Variants in TGFBR3 observed in about 807,000 individuals in gnomAD.
TGFBR3 encodes the protein transforming growth factor beta receptor 3, also known as transforming growth factor beta receptor type 3.
A neutral mutation model predicts 87.9 loss-of-function variants in TGFBR3; 46 were observed. The observed-to-expected ratio is 0.52, with a 90% CI of 0.41 to 0.67. The LOEUF is 0.67. Ranked by LOEUF, TGFBR3 falls within the 30% of genes least tolerant of loss-of-function variation. The probability of loss-of-function intolerance (pLI) is 0.00; values close to 1 mark genes in which losing one functional copy is unlikely to be tolerated. For synonymous variants in TGFBR3, 381 were observed against 391.6 expected (o/e 0.97, Z 0.32); for missense variants, 866 against 1,041.9 (o/e 0.83, Z 2.32).
intron 4 of TGFBR3, among the ~76,000 whole-genome samples, chr1:91,754,802 TAAC>T (rs1557693781): frequency 1.3e-5 from 2 of 152,144 alleles, no homozygotes; most frequent in African/African-American, 4.8e-5. Flanking sequence ...TGGGCAGTCA[TAAC>T]AACACAGACA....
intron 2 of TGFBR3, among the ~76,000 whole-genome samples, chr1:91,894,493 A>G (rs1469535365): frequency 6.6e-6 from 1 of 152,140 alleles, no homozygotes; most frequent in African/African-American, 2.4e-5. Context: ...CTCCTCCTCA[A>G]TCAGATCCAA....
intron 4 of TGFBR3, among the ~76,000 whole-genome samples, chr1:91,746,929 A>G (rs1301260029): frequency 1.3e-5 from 2 of 152,198 alleles, no homozygotes; most frequent in Non-Finnish European, 2.9e-5. Flanking sequence ...CTCAGAAATC[A>G]GTAGTGTAGG....
chr1:91,859,908 CAAAA>C (rs544117317), intron 2 of TGFBR3, among the ~76,000 whole-genome samples: 20 of 85,572 alleles, frequency 2.3e-4, no homozygotes, highest in South Asian at 4.1e-4. Flanking sequence ...GACTCCATCT[CAAAA>C]AAAAAAAAAA....
chr1:91,842,509 G>A (rs1174608382), intron 2 of TGFBR3, among the ~76,000 whole-genome samples: 1 of 152,136 alleles, frequency 6.6e-6, no homozygotes, highest in Non-Finnish European at 1.5e-5. Context: ...CCAAGTCACT[G>A]CCTCAAAAGA....
intron 2 of TGFBR3, among the ~76,000 whole-genome samples, chr1:91,815,867 C>T (rs1260857900): frequency 6.6e-6 from 1 of 152,098 alleles, no homozygotes; most frequent in Non-Finnish European, 1.5e-5. Context: ...TCCCAAACAC[C>T]CCAAGGAAGA....
At chr1:91,886,193 C>G (rs1287034148), upstream of TGFBR3, 5 of 453,338 alleles carry the variant, frequency 1.1e-5, no homozygotes, top group Non-Finnish European at 1.8e-5. Flanking sequence ...CTCCCTCGCA[C>G]ACACGCGGGC....
chr1:91,905,354 A>G (rs1679823480), intron 1 of TGFBR3, among the ~76,000 whole-genome samples: 2 of 152,206 alleles, frequency 1.3e-5, no homozygotes, highest in Non-Finnish European at 2.9e-5. Flanking sequence ...TGCCAAACCA[A>G]TAAAAATTTA....
In TGFBR3 at chr1:91,729,852, C is replaced by T; in HGVS notation, c.690G>A (p.Glu230=). Residue 230 remains glutamate (E), a synonymous_variant, in exon 6 of 17, where the codon GAG becomes GAA. Coordinates refer to ENST00000212355, the MANE Select transcript of TGFBR3 (RefSeq NM_003243.5). ...TGATTAGCTCGATGATGTGTACTTCCTCATTCTGGGGCTGGCTGGACATCA... is the reference window on the plus strand; with the variant it reads ...TGATTAGCTCGATGATGTGTACTTCTTCATTCTGGGGCTGGCTGGACATCA... The part of the protein sequence containing the change: ...GCVMSSQPQN[E]EVHIIELITP... 1 of 1,614,044 alleles carries T rather than the reference C, an allele frequency of 6.2e-7. No individual in the cohort carries two copies. The highest frequency in any genetic ancestry group is 1.7e-5 in the Admixed American group (1 of 59,996).
Position 91,683,438 on chromosome 1 carries a change from G to A in TGFBR3, c.*301C>T. ...TGGACAAAGCAGCATTTTAAAAACTGGCATGTGTTTCACATTGAAAACCCC... is the reference window on the plus strand; with the variant it reads ...TGGACAAAGCAGCATTTTAAAAACTAGCATGTGTTTCACATTGAAAACCCC... On this transcript the variant is annotated 3_prime_UTR_variant, in exon 17 of 17. Coordinates refer to ENST00000212355, the MANE Select transcript of TGFBR3 (RefSeq NM_003243.5). 1.7e-6 allele frequency: 1 copy of A among 605,592 alleles called. No individual in the cohort carries two copies. The highest frequency in any genetic ancestry group is 3.1e-6 in the Non-Finnish European group (1 of 325,032). 37.5% of individuals were successfully genotyped at this position (605,592 alleles called of 1,614,324 possible).
intron 4 of TGFBR3, among the ~76,000 whole-genome samples, chr1:91,749,652 G>A (rs530260563): frequency 6.6e-6 from 1 of 152,222 alleles, no homozygotes; most frequent in East Asian, 1.9e-4. Flanking sequence ...TCCTGGAGTT[G>A]CTTTCTGAGA....
chr1:91,856,125 C>A (rs55806614), intron 2 of TGFBR3, among the ~76,000 whole-genome samples: 1 of 151,996 alleles, frequency 6.6e-6, no homozygotes, highest in East Asian at 1.9e-4. Context: ...TGCAGTGGCG[C>A]GATCTCAGCT....
At chr1:91,725,034 A>T (rs1009728787) in intron 7 of TGFBR3, among the ~76,000 whole-genome samples, 1 of 152,202 alleles carries the variant, frequency 6.6e-6, no homozygotes, top group Admixed American at 6.5e-5. Flanking sequence ...GGTTTCCTCC[A>T]TCTATTTTTT....
chr1:91,697,894 A>G (rs539738361), intron 15 of TGFBR3, among the ~76,000 whole-genome samples, 195 bp downstream of exon 15: 1 of 152,316 alleles, frequency 6.6e-6, no homozygotes, highest in South Asian at 2.1e-4. Context: ...GTGAAAGGGA[A>G]AAAGAAAGCA....
At chr1:91,789,104 T>C (rs1429111696) in intron 3 of TGFBR3, among the ~76,000 whole-genome samples, 1 of 152,192 alleles carries the variant, frequency 6.6e-6, no homozygotes, top group Non-Finnish European at 1.5e-5. Flanking sequence ...GAGGCCATCC[T>C]GGCCAACATG....
At chr1:91,890,069 G>A (rs2101327887), upstream of TGFBR3, among the ~76,000 whole-genome samples, 1 of 152,288 alleles carries the variant, frequency 6.6e-6, no homozygotes, top group African/African-American at 2.4e-5. Flanking sequence ...ATTTGTTACT[G>A]TAAGATACCA....
intron 1 of TGFBR3, among the ~76,000 whole-genome samples, chr1:91,868,912 G>A (rs138911637): frequency 6.6e-5 from 10 of 152,240 alleles, no homozygotes; most frequent in East Asian, 5.8e-4. Context: ...GCCCACTGCC[G>A]TCCAGATAAA....
intron 3 of TGFBR3, among the ~76,000 whole-genome samples, chr1:91,793,668 C>T (rs1249888156): frequency 6.6e-6 from 1 of 151,614 alleles, no homozygotes; most frequent in Non-Finnish European, 1.5e-5. Flanking sequence ...TAGCCGGGCA[C>T]GGTGGCATAT....
chr1:91,731,848 G>T (rs1471471446), intron 5 of TGFBR3, among the ~76,000 whole-genome samples: 2 of 152,192 alleles, frequency 1.3e-5, no homozygotes, highest in East Asian at 3.8e-4. Context: ...AAGCCACTAG[G>T]AAAGGTCTAA....
chr1:91,764,817 T>C (rs1270848071), intron 3 of TGFBR3, among the ~76,000 whole-genome samples: 1 of 152,188 alleles, frequency 6.6e-6, no homozygotes, highest in East Asian at 1.9e-4. Context: ...CCGGATGGAC[T>C]TGTGGGTCCA....
Sources: gnomAD v4.1 joint callset for allele counts (sites outside exome capture counted in the v4.1 genomes callset) on GRCh38, gnomAD v4.1.1 for gene constraint, MANE v1.5 for transcripts, NCBI Gene and HGNC (gene_info 2026-07-23, HGNC 2026-07-21) for gene names.